Variants in EIF3H observed in about 807,000 individuals in gnomAD.
The protein encoded by EIF3H is eIF-3-gamma.
EIF3H carries 26 observed loss-of-function variants against 44.2 expected under a neutral mutation model. That is an observed-to-expected ratio of 0.59 (90% CI 0.43 to 0.82). The LOEUF is 0.82. Ranked by LOEUF, EIF3H falls within the 40% of genes least tolerant of loss-of-function variation. The pLI, the probability that EIF3H is intolerant of heterozygous loss-of-function variation, is 0.00. For missense variants in EIF3H, 359 were observed against 432.8 expected, an observed-to-expected ratio of 0.83 and a Z score of 1.51; for synonymous variants, 166 against 151.9, an observed-to-expected ratio of 1.09 and a Z score of -0.68.
chr8:116,763,987 A>C lies in EIF3H; in HGVS notation c.-27+1528T>G, dbSNP rs150839579. ...ATTATTCTCATGTCAACTTGGCTTC[A>C]TCAAAATTTCATGAAGAAAAAAACT... On this transcript the variant is annotated intron_variant, in intron 1 of 9. Transcript: ENST00000276682. Among the ~76,000 whole-genome samples the C allele has an allele frequency of 1.4e-3, 213 of 152,332 alleles. 1 individual carries two copies. Among genetic ancestry groups the C allele is most frequent in the Middle Eastern group, 6.8e-3 (2 of 294 alleles).
intron 1 of EIF3H, among the ~76,000 whole-genome samples, chr8:116,745,427 T>C (rs1815214718): frequency 6.6e-6 from 1 of 152,220 alleles, no homozygotes; most frequent in African/African-American, 2.4e-5. Flanking sequence ...CCATGAGAAG[T>C]ACTGCATATG....
chr8:116,650,882 G>A (rs534442565), intron 5 of EIF3H, among the ~76,000 whole-genome samples: 3 of 152,198 alleles, frequency 2.0e-5, no homozygotes, highest in African/African-American at 4.8e-5. Context: ...CTCCCACCTC[G>A]GCTTCCCAAA....
At position 116,680,199 on chromosome 8, in the gene EIF3H, G is replaced by GA. The variant is rs1491187023; in HGVS notation, c.290-21220_290-21219insT. ...GGCCAGCCGCCCCTTCCGGGAGGGT[G>GA]GGGGGGGGGGTCAGCCCCCCGCCCG... On this transcript the variant is annotated intron_variant, in intron 2 of 7. Transcript: ENST00000521861. Among the ~76,000 whole-genome samples the GA allele has an allele frequency of 5.6e-4, 7 of 12,550 alleles. 1 individual carries two copies. The highest frequency in any genetic ancestry group is 1.0e-3 in the African/African-American group (6 of 5,944). The allele number at this position is 12,550 out of a possible 152,430, so 8.2% of individuals were successfully genotyped here. A position where few individuals can be genotyped will look rare whatever the true frequency, so the allele number is the denominator to read the frequency against.
At chr8:116,677,182 T>C (rs577854582) in intron 2 of EIF3H, among the ~76,000 whole-genome samples, 45 of 152,320 alleles carry the variant, frequency 3.0e-4, no homozygotes, top group African/African-American at 1.1e-3. Flanking sequence ...TAGCTAATTT[T>C]ACTTACGTCT....
chr8:116,696,373 A>G (rs949829558), intron 2 of EIF3H, among the ~76,000 whole-genome samples: 24 of 152,248 alleles, frequency 1.6e-4, no homozygotes, highest in African/African-American at 5.5e-4. Context: ...ACAGGAAACC[A>G]TAAGTTTATA....
rs1284519104 is a variant in EIF3H at position 116,643,398 on chromosome 8, A to T, written c.*1608T>A. On this transcript the variant is annotated 3_prime_UTR_variant, in exon 8 of 8. Transcript: ENST00000521861. ...AAAGAAATAATTATATATGTGAGCA[A>T]GTACTTGGATTCTAGAATGTTCTAG... 6.6e-6 allele frequency: 1 copy of T among 152,234 alleles called. No individual in the cohort carries two copies. The highest frequency in any genetic ancestry group is 1.5e-5 in the Non-Finnish European group (1 of 68,046). The allele number at this position is 152,234 out of a possible 1,614,324, so 9.4% of individuals were successfully genotyped here. A position where few individuals can be genotyped will look rare whatever the true frequency, so the allele number is the denominator to read the frequency against.
intron 2 of EIF3H, among the ~76,000 whole-genome samples, chr8:116,684,235 G>T (rs1182213997): frequency 1.3e-5 from 2 of 152,190 alleles, no homozygotes; most frequent in Admixed American, 1.3e-4. Flanking sequence ...GGGCCAAGAT[G>T]AAACTGGGCA....
At chr8:116,755,475 C>T (rs569847854) in intron 1 of EIF3H, among the ~76,000 whole-genome samples, 191 bp downstream of exon 1, 1 of 152,284 alleles carries the variant, frequency 6.6e-6, no homozygotes, top group Non-Finnish European at 1.5e-5. Context: ...CCCAACTGTC[C>T]CGTTAGAAGA....
intron 2 of EIF3H, among the ~76,000 whole-genome samples, chr8:116,673,399 G>A (rs1404231012): frequency 1.3e-5 from 2 of 152,004 alleles, no homozygotes; most frequent in Admixed American, 6.6e-5. Flanking sequence ...ATTTAGATGC[G>A]GTTTTCAAAA....
chr8:116,716,840 T>C (rs760303150), intron 2 of EIF3H, among the ~76,000 whole-genome samples: 3 of 152,082 alleles, frequency 2.0e-5, no homozygotes, highest in African/African-American at 7.2e-5. Flanking sequence ...CATTTCACTT[T>C]TGGACAACAG....
intron 6 of EIF3H, 26 bp downstream of exon 6, chr8:116,648,780 T>C (rs759917258): frequency 1.3e-6 from 2 of 1,557,474 alleles, no homozygotes; most frequent in Admixed American, 3.9e-5. Context: ...AAATAGCTGT[T>C]TGTTGAATTT....
intron 2 of EIF3H, among the ~76,000 whole-genome samples, chr8:116,694,536 A>G (rs1202771126): frequency 6.6e-6 from 1 of 152,176 alleles, no homozygotes; most frequent in African/African-American, 2.4e-5. Context: ...AATTGCGATA[A>G]TTCTCTTTCA....
In EIF3H at chr8:116,755,726, T is replaced by C; in HGVS notation, c.72A>G (p.Lys24=). The part of the protein sequence containing the change: ...SSSSTAGAAG[K]GKGKGGSGDS... The stretch of plus-strand genomic sequence containing the variant: ...CTCCCGAGCCGCCTTTGCCTTTGCC[T>C]TTCCCTGCTGCGCCGGCGGTGGAGC... The change falls in exon 1 of 8, where the codon AAA becomes AAG. Residue 24 remains lysine, a synonymous_variant. Transcript: ENST00000521861. 1 of 1,614,192 alleles carries C rather than the reference T, an allele frequency of 6.2e-7. No homozygotes were observed. The highest frequency in any genetic ancestry group is 8.5e-7 in the Non-Finnish European group (1 of 1,180,022).
intron 2 of EIF3H, among the ~76,000 whole-genome samples, chr8:116,711,228 C>G (rs1010320044): frequency 6.6e-6 from 1 of 152,148 alleles, no homozygotes; most frequent in African/African-American, 2.4e-5. Context: ...GGCAGGGAGG[C>G]AAACCAGATA....
At chr8:116,664,148 C>T (rs762304866) in intron 2 of EIF3H, among the ~76,000 whole-genome samples, 1 of 152,190 alleles carries the variant, frequency 6.6e-6, no homozygotes, top group African/African-American at 2.4e-5. Context: ...CACTGAATAA[C>T]TGCCTGAAGT....
chr8:116,755,808 A>G lies in EIF3H; in HGVS notation c.-11T>C. On this transcript the variant is annotated 5_prime_UTR_variant, in exon 1 of 8. Coordinates refer to ENST00000521861, the MANE Select transcript of EIF3H (RefSeq NM_003756.3). The stretch of plus-strand genomic sequence containing the variant: ...CTTGCGGGACGCCATCTTTCCAAGC[A>G]GACAGGAAGAAAGAGAAACGTGAGT... The G allele has an allele frequency of 1.2e-6, 2 of 1,612,626 alleles. No individual in the cohort carries two copies. The highest frequency in any genetic ancestry group is 1.7e-6 in the Non-Finnish European group (2 of 1,180,010).
At chr8:116,744,968 C>T (rs1486576469) in intron 1 of EIF3H, among the ~76,000 whole-genome samples, 1 of 152,206 alleles carries the variant, frequency 6.6e-6, no homozygotes, top group African/African-American at 2.4e-5. Context: ...CAGAGCATTG[C>T]TGCCAAGACT....
chr8:116,671,999 A>C (rs1586444942), intron 2 of EIF3H, among the ~76,000 whole-genome samples: 1 of 152,246 alleles, frequency 6.6e-6, no homozygotes, highest in Non-Finnish European at 1.5e-5. Flanking sequence ...AAAATAGTTT[A>C]AAAATAACCT....
At chr8:116,678,509 A>C (rs2130832870) in intron 2 of EIF3H, among the ~76,000 whole-genome samples, 1 of 148,440 alleles carries the variant, frequency 6.7e-6, no homozygotes. Flanking sequence ...GAAAGTGAGG[A>C]GCGTCTCTGC....
Sources: allele counts gnomAD v4.1 joint callset (sites outside exome capture counted in the v4.1 genomes callset), GRCh38; gene constraint gnomAD v4.1.1; transcripts MANE v1.5; gene names NCBI Gene and HGNC (gene_info 2026-07-23, HGNC 2026-07-21).